The following LOC112694756 variants were observed in gnomAD, a reference collection of about 807,000 sequenced individuals.
the LOC112694756 span, chr16:30,066,949 A>G: frequency 2.6e-6 from 4 of 1,551,266 alleles, no homozygotes; most frequent in Non-Finnish European, 2.6e-6. Context: ...CCACCTGTCC[A>G]TGGCTATGGC....
At chr16:30,068,289 C>T in the LOC112694756 span, 1 of 355,300 alleles carries the variant, frequency 2.8e-6, no homozygotes, top group East Asian at 7.3e-5. Context: ...TGGTCTCGAT[C>T]TCCTGATCTC....
At chr16:30,063,987 G>C in the LOC112694756 span, 1 of 398,862 alleles carries the variant, frequency 2.5e-6, no homozygotes, top group East Asian at 3.6e-5. Context: ...GCAGCGCAGG[G>C]CCTGGCTCCC....
chr16:30,060,267 C>G, the LOC112694756 span, among the ~76,000 whole-genome samples: 1 of 152,156 alleles, frequency 6.6e-6, no homozygotes, highest in Non-Finnish European at 1.5e-5. Context: ...GTGTGAGCCA[C>G]CACACCTGGC....
At chr16:30,069,601 A>G in the LOC112694756 span, 17 of 1,613,886 alleles carry the variant, frequency 1.1e-5, no homozygotes, top group African/African-American at 1.3e-5. Context: ...TTGCACTCAG[A>G]AGTTTTCTCA....
chr16:30,069,935 A>G, the LOC112694756 span: 2 of 1,613,966 alleles, frequency 1.2e-6, no homozygotes, highest in Non-Finnish European at 1.7e-6. Flanking sequence ...ACCTTCTCCT[A>G]CGGCCGAGCC....
the LOC112694756 span, among the ~76,000 whole-genome samples, chr16:30,066,654 T>C: frequency 9.6e-4 from 146 of 152,304 alleles, no homozygotes; most frequent in African/African-American, 3.1e-3. Context: ...TGGGATGTCC[T>C]TGAAGCCTTG....
At chr16:30,065,662 C>T in the LOC112694756 span, 1 of 152,246 alleles carries the variant, frequency 6.6e-6, no homozygotes, top group African/African-American at 2.4e-5. Flanking sequence ...TAGCCCAGTC[C>T]GTCGCCTGCC....
chr16:30,065,643 G>A, the LOC112694756 span: 1 of 152,304 alleles, frequency 6.6e-6, no homozygotes, highest in East Asian at 1.9e-4. Context: ...GCCTCTCGGG[G>A]GCGGCCCGTA....
the LOC112694756 span, chr16:30,066,835 G>T: frequency 1.3e-6 from 2 of 1,521,542 alleles, no homozygotes; most frequent in South Asian, 2.5e-5. Context: ...CCCTCTGCTT[G>T]ATTCACGATC....
At chr16:30,067,889 T>G in the LOC112694756 span, 16 of 597,394 alleles carry the variant, frequency 2.7e-5, no homozygotes, top group South Asian at 3.1e-4. Flanking sequence ...GTGAAGTGTT[T>G]TGCTCAGAGT....
chr16:30,067,012 A>C, the LOC112694756 span: 1 of 1,571,626 alleles, frequency 6.4e-7, no homozygotes, highest in Admixed American at 1.9e-5. Context: ...GCTGGGCAAC[A>C]CCCAGCACCA....
chr16:30,067,785 C>A, the LOC112694756 span: 1 of 1,104,114 alleles, frequency 9.1e-7, no homozygotes, highest in Non-Finnish European at 1.4e-6. Context: ...CTGCTTCAGG[C>A]TTAGGGCATT....
chr16:30,064,818 A>ATGGGGT, the LOC112694756 span: 7 of 142,058 alleles, frequency 4.9e-5, no homozygotes, highest in South Asian at 2.6e-4. Context: ...CGGGGTGGGG[A>ATGGGGT]TGGGGTTGGG....
At chr16:30,066,266 G>GC in the LOC112694756 span, 1 of 152,502 alleles carries the variant, frequency 6.6e-6, no homozygotes, top group South Asian at 2.0e-4. Context: ...CCCATGTACA[G>GC]CCCCAGGGTT....
the LOC112694756 span, among the ~76,000 whole-genome samples, chr16:30,066,530 C>T: frequency 6.6e-6 from 1 of 152,228 alleles, no homozygotes; most frequent in Non-Finnish European, 1.5e-5. Flanking sequence ...TTCCTCGCCT[C>T]GGGCTAGGGC....
chr16:30,064,680 G>A, the LOC112694756 span: 2 of 389,088 alleles, frequency 5.1e-6, no homozygotes, highest in East Asian at 3.6e-5. Context: ...AGAGAAGATC[G>A]GGGACACATG....
At chr16:30,068,577 G>T in the LOC112694756 span, 2 of 1,545,340 alleles carry the variant, frequency 1.3e-6, no homozygotes, top group Non-Finnish European at 1.8e-6. Context: ...TACTCCAGCC[G>T]GGGCGACAGT....
chr16:30,067,658 C>T, the LOC112694756 span: 2 of 1,614,088 alleles, frequency 1.2e-6, no homozygotes, highest in Admixed American at 1.7e-5. Flanking sequence ...TTGTGGGCAT[C>T]AAGGTAAGGG....
chr16:30,054,789 C>G, the LOC112694756 span: 1 of 399,314 alleles, frequency 2.5e-6, no homozygotes, highest in South Asian at 1.3e-4. Context: ...TCCAGGCCTC[C>G]TCTAGCCCGT....
Sources: allele counts gnomAD v4.1 joint callset (sites outside exome capture counted in the v4.1 genomes callset), GRCh38; gene constraint gnomAD v4.1.1; transcripts MANE v1.5.